VRK1: variants seen among roughly 807,000 people sequenced by gnomAD.
The protein encoded by VRK1 is VRK serine/threonine kinase 1.
Under a neutral mutation model 57.1 loss-of-function variants are expected in VRK1, and 33 were observed. The observed-to-expected ratio is 0.58, with a 90% CI of 0.44 to 0.77. VRK1 has a LOEUF of 0.77. Ranked by LOEUF, VRK1 falls within the 30% of genes least tolerant of loss-of-function variation. The pLI, the probability that VRK1 is intolerant of heterozygous loss-of-function variation, is 0.00. For synonymous variants in VRK1, 137 were observed against 147.8 expected, an observed-to-expected ratio of 0.93 and a Z score of 0.53; for missense variants, 413 against 477.3, an observed-to-expected ratio of 0.87 and a Z score of 1.25.
At chr14:96,805,139 G>C (rs550869282) in intron 1 of VRK1, among the ~76,000 whole-genome samples, 2 of 152,238 alleles carry the variant, frequency 1.3e-5, no homozygotes, top group South Asian at 4.1e-4. Flanking sequence ...GAGACTCAGG[G>C]GTTATTTAAT....
At chr14:96,878,241 A>G (rs1220560266) in intron 12 of VRK1, among the ~76,000 whole-genome samples, 1 of 152,234 alleles carries the variant, frequency 6.6e-6, no homozygotes. Flanking sequence ...GTTCATGTAA[A>G]TGTATATTTT....
At chr14:96,839,739 A>G (rs1010121375) in intron 3 of VRK1, among the ~76,000 whole-genome samples, 1 of 152,146 alleles carries the variant, frequency 6.6e-6, no homozygotes, top group African/African-American at 2.4e-5. Context: ...ATAATTGAAT[A>G]GTAAGAGAGT....
intron 3 of VRK1, among the ~76,000 whole-genome samples, chr14:96,840,094 C>T (rs1887393614): frequency 6.6e-6 from 1 of 151,958 alleles, no homozygotes; most frequent in African/African-American, 2.4e-5. Context: ...AATTTCCAAT[C>T]TCATTGTTGA....
intron 12 of VRK1, chr14:96,877,617 A>G (rs1316983226): frequency 1.0e-5 from 13 of 1,287,768 alleles, no homozygotes; most frequent in South Asian, 1.2e-5. Context: ...ATATACAGCA[A>G]TATTCTTAAA....
chr14:96,842,413 A>G (rs1177030970), intron 3 of VRK1, among the ~76,000 whole-genome samples: 1 of 152,236 alleles, frequency 6.6e-6, no homozygotes, highest in East Asian at 1.9e-4. Context: ...ATGGACTATT[A>G]AAGATCGTGT....
chr14:96,873,880 C>G (rs898581284), intron 11 of VRK1, among the ~76,000 whole-genome samples: 1 of 152,160 alleles, frequency 6.6e-6, no homozygotes, highest in African/African-American at 2.4e-5. Context: ...GCAGGAGTTA[C>G]CTGGCTGAAG....
At chr14:96,826,090 C>A (rs1001943303) in intron 1 of VRK1, among the ~76,000 whole-genome samples, 3 of 152,016 alleles carry the variant, frequency 2.0e-5, no homozygotes, top group Non-Finnish European at 4.4e-5. Context: ...TTGAAGAATG[C>A]CAGTTGTCTA....
At chr14:96,809,905 G>T (rs1886105532) in intron 1 of VRK1, among the ~76,000 whole-genome samples, 1 of 152,050 alleles carries the variant, frequency 6.6e-6, no homozygotes, top group African/African-American at 2.4e-5. Flanking sequence ...CTGCCAAATT[G>T]TTTTTCATCC....
At chr14:96,840,323 A>G (rs777913136) in intron 3 of VRK1, among the ~76,000 whole-genome samples, 4 of 152,026 alleles carry the variant, frequency 2.6e-5, no homozygotes, top group Admixed American at 6.6e-5. Context: ...GTCTGTTTTT[A>G]TCTTTGTTTG....
chr14:96,870,095 A>G (rs984277578), intron 11 of VRK1, among the ~76,000 whole-genome samples: 2 of 152,104 alleles, frequency 1.3e-5, no homozygotes, highest in African/African-American at 4.8e-5. Flanking sequence ...TAGGATATTG[A>G]CCCTTTAAAC....
intron 1 of VRK1, among the ~76,000 whole-genome samples, chr14:96,805,973 A>G (rs1339147458): frequency 2.0e-5 from 3 of 150,826 alleles, no homozygotes; most frequent in African/African-American, 7.3e-5. Flanking sequence ...GTATTATCAC[A>G]GAGAATTTTT....
intron 1 of VRK1, among the ~76,000 whole-genome samples, chr14:96,818,129 T>C (rs1438978106): frequency 6.6e-6 from 1 of 152,212 alleles, no homozygotes; most frequent in African/African-American, 2.4e-5. Context: ...CAGGGAATGC[T>C]TCCCTTGTAG....
Position 96,846,026 on chromosome 14 carries a change from T to C in VRK1, c.217-69T>C, listed in dbSNP as rs1356727997. 1.2e-5 allele frequency: 17 copies of C among 1,366,486 alleles called. 1 individual carries two copies. The highest frequency in any genetic ancestry group is 1.7e-5 in the Admixed American group (1 of 58,582). The allele number at this position is 1,366,486 out of a possible 1,614,324, so 84.6% of individuals were successfully genotyped here. ...GAAAAATAGATTTGTTGGTCTTTTT[T>C]GAAGGTTCATTGAAAATATCTCAGT... On this transcript the variant is annotated intron_variant, in intron 3 of 12. Coordinates refer to ENST00000216639, the MANE Select transcript of VRK1 (RefSeq NM_003384.3).
At chr14:96,851,306 A>G (rs981219171) in intron 5 of VRK1, among the ~76,000 whole-genome samples, 1 of 151,936 alleles carries the variant, frequency 6.6e-6, no homozygotes, top group Non-Finnish European at 1.5e-5. Flanking sequence ...GTGCCCGGCT[A>G]ATTTTTGTGT....
At chr14:96,802,243 G>C (rs937333450) in intron 1 of VRK1, among the ~76,000 whole-genome samples, 2 of 152,146 alleles carry the variant, frequency 1.3e-5, no homozygotes. Flanking sequence ...ACACAATCCA[G>C]CGATTGCACT....
intron 1 of VRK1, among the ~76,000 whole-genome samples, chr14:96,832,099 T>A (rs2139745022): frequency 9.0e-6 from 1 of 111,180 alleles, no homozygotes; most frequent in Non-Finnish European, 1.8e-5. Context: ...TGCATTAGTA[T>A]TCTATAGGAA....
intron 1 of VRK1, among the ~76,000 whole-genome samples, chr14:96,824,904 C>T (rs1886743883): frequency 6.6e-6 from 1 of 152,062 alleles, no homozygotes; most frequent in South Asian, 2.1e-4. Flanking sequence ...CCACCCGCCT[C>T]GGCCTCCCAA....
intron 2 of VRK1, among the ~76,000 whole-genome samples, chr14:96,835,899 G>A (rs1216054106): frequency 6.6e-6 from 1 of 152,098 alleles, no homozygotes; most frequent in Non-Finnish European, 1.5e-5. Flanking sequence ...ATTGTTTTCA[G>A]TATGGCTTTT....
chr14:96,856,941 C>G (rs1888183030), intron 10 of VRK1, among the ~76,000 whole-genome samples: 2 of 152,068 alleles, frequency 1.3e-5, no homozygotes, highest in South Asian at 2.1e-4. Context: ...GCACACCAGC[C>G]TGGGTGACAG....
Sources: allele counts gnomAD v4.1 joint callset (sites outside exome capture counted in the v4.1 genomes callset), GRCh38; gene constraint gnomAD v4.1.1; transcripts MANE v1.5; gene names NCBI Gene and HGNC (gene_info 2026-07-23, HGNC 2026-07-21).